The following WDR27 variants were observed in gnomAD, a reference collection of about 807,000 sequenced individuals.
The protein encoded by WDR27 is WD repeat-containing protein 27.
A neutral mutation model predicts 114.4 loss-of-function variants in WDR27; 100 were observed. The observed-to-expected ratio is 0.87, with a 90% CI of 0.74 to 1.03. The LOEUF (loss-of-function observed/expected upper bound fraction) is 1.03, where lower values mean the gene tolerates loss of function less well. Ranked by LOEUF, WDR27 falls within the 50% of genes least tolerant of loss-of-function variation. The pLI, the probability that WDR27 is intolerant of heterozygous loss-of-function variation, is 0.00. For missense variants in WDR27, 1,129 were observed against 1,092.9 expected, an observed-to-expected ratio of 1.03 and a Z score of -0.47; for synonymous variants, 449 against 423.1, an observed-to-expected ratio of 1.06 and a Z score of -0.75.
chr6:169,540,418 T>C (rs1796689414), intron 25 of WDR27, among the ~76,000 whole-genome samples: 1 of 146,564 alleles, frequency 6.8e-6, no homozygotes, highest in Admixed American at 7.3e-5. Flanking sequence ...GTATTGCTCT[T>C]ATTGAATAGA....
At chr6:169,469,443 C>T (rs1184024039) in intron 25 of WDR27, among the ~76,000 whole-genome samples, 1 of 152,204 alleles carries the variant, frequency 6.6e-6, no homozygotes, top group Non-Finnish European at 1.5e-5. Context: ...AAAACCCTCT[C>T]AGCTTCATGC....
chr6:169,583,001 G>A (rs1385555545), intron 23 of WDR27, 67 bp from the exon 24 acceptor site: 1 of 1,374,014 alleles, frequency 7.3e-7, no homozygotes, highest in African/African-American at 1.4e-5. Flanking sequence ...AAGCTAGGCA[G>A]AGCAGAGGGA....
chr6:169,663,123 G>T (rs1436650804), intron 8 of WDR27, among the ~76,000 whole-genome samples: 1 of 152,202 alleles, frequency 6.6e-6, no homozygotes. Flanking sequence ...ACGCTACCTG[G>T]GAGCAATGCA....
intron 25 of WDR27, among the ~76,000 whole-genome samples, chr6:169,519,985 C>A (rs1209498110): frequency 6.6e-6 from 1 of 152,096 alleles, no homozygotes; most frequent in Non-Finnish European, 1.5e-5. Flanking sequence ...CCATCTTGAA[C>A]TACTTGACAG....
intron 25 of WDR27, among the ~76,000 whole-genome samples, chr6:169,540,156 C>T (rs1444465920): frequency 4.6e-5 from 7 of 152,192 alleles, no homozygotes; most frequent in Non-Finnish European, 1.0e-4. Context: ...CAAGAACATA[C>T]TAGGATTGCT....
chr6:169,429,621 T>C, the WDR27 span, among the ~76,000 whole-genome samples: 4 of 152,200 alleles, frequency 2.6e-5, no homozygotes, highest in Admixed American at 1.3e-4. Context: ...CCTGGCCTCC[T>C]TTCTTTCTTA....
intron 25 of WDR27, among the ~76,000 whole-genome samples, chr6:169,565,502 C>T (rs933413267): frequency 2.0e-5 from 3 of 152,158 alleles, no homozygotes; most frequent in Non-Finnish European, 4.4e-5. Context: ...TGTATTTCCC[C>T]GCTTGTCTTA....
chr6:169,592,059 T>A (rs1167895878), intron 23 of WDR27, among the ~76,000 whole-genome samples: 1 of 152,060 alleles, frequency 6.6e-6, no homozygotes, highest in Non-Finnish European at 1.5e-5. Context: ...AATACTGGTA[T>A]TCGTGCACCA....
chr6:169,439,938 A>G, the WDR27 span, among the ~76,000 whole-genome samples: 1 of 146,470 alleles, frequency 6.8e-6, no homozygotes, highest in Non-Finnish European at 1.5e-5. Context: ...TATTGGTAAT[A>G]TAATTATTTA....
chr6:169,514,746 G>GA (rs1174779837), intron 25 of WDR27, among the ~76,000 whole-genome samples: 1 of 118,744 alleles, frequency 8.4e-6, no homozygotes, highest in African/African-American at 4.3e-5. Flanking sequence ...TACTATAACA[G>GA]AAAAAAAGAG....
chr6:169,656,870 T>G (rs1325810314), intron 13 of WDR27, among the ~76,000 whole-genome samples: 1 of 148,898 alleles, frequency 6.7e-6, no homozygotes, highest in Non-Finnish European at 1.5e-5. Context: ...AGAAGTTCCA[T>G]GACTTAATGA....
intron 14 of WDR27, among the ~76,000 whole-genome samples, chr6:169,651,486 T>C (rs1306659004): frequency 1.3e-5 from 2 of 152,122 alleles, no homozygotes; most frequent in African/African-American, 2.4e-5. Context: ...TCCTTGCCTT[T>C]GAGCAGTCTT....
intron 17 of WDR27, among the ~76,000 whole-genome samples, chr6:169,640,861 G>A (rs541437057): frequency 1.6e-4 from 25 of 152,248 alleles, no homozygotes; most frequent in Non-Finnish European, 3.5e-4. Context: ...AGGAGGGAGG[G>A]TGAAGTCACT....
chr6:169,506,004 T>A lies in WDR27; in HGVS notation c.2646-48370A>T, dbSNP rs928369925. On this transcript the variant is annotated intron_variant, in intron 25 of 25. Coordinates refer to ENST00000448612, the MANE Select transcript of WDR27 (RefSeq NM_182552.5). Reference sequence around the variant, plus strand: ...CATATACCACCTAAACCCCCTAAACTTTTAAACTCATAAACAAAGCTCCCA... The same window carrying A: ...CATATACCACCTAAACCCCCTAAACATTTAAACTCATAAACAAAGCTCCCA... 7.2e-5 allele frequency among the ~76,000 whole-genome samples: 11 copies of A among 152,334 alleles called. 1 individual carries two copies. The South Asian group carries it at 2.3e-3, about 32-fold the overall frequency.
At chr6:169,625,822 A>G (rs2473450) in intron 21 of WDR27, among the ~76,000 whole-genome samples, 150,417 of 152,266 alleles carry the variant, frequency 0.99, 74,301 homozygotes, top group East Asian at 1. Context: ...TGACTCTGAG[A>G]CCAGAGCCCG....
chr6:169,531,518 T>G lies in WDR27; in HGVS notation c.2645+40901A>C, dbSNP rs761380209. Among the ~76,000 whole-genome samples, 109 of 152,272 alleles carry G rather than the reference T, an allele frequency of 7.2e-4. 2 individuals are homozygous for G. The highest frequency in any genetic ancestry group is 4.9e-4 in the Non-Finnish European group (33 of 68,002). On this transcript the variant is annotated intron_variant, in intron 25 of 25. Coordinates refer to ENST00000448612, the MANE Select transcript of WDR27 (RefSeq NM_182552.5). The stretch of plus-strand genomic sequence containing the variant: ...CAGCAGACTCCTGCAGAATAGAGCT[T>G]GTTTCCCAGAAGCACCCCAGCATCC...
chr6:169,649,215 G>A lies in WDR27; in HGVS notation c.1542C>T (p.Ser514=). ...IKSEGKGSSR[S]RSSCAREAYP... ...TCACACACCGTGCGCAGCTGCTCCT[G>A]CTCCTTGAAGATCCTTTCCCCTCAC... The change falls in exon 15 of 26, where the codon AGC becomes AGT. Residue 514 remains serine, a synonymous_variant. Coordinates refer to ENST00000448612, the MANE Select transcript of WDR27 (RefSeq NM_182552.5). 3 of 1,575,570 alleles carry A rather than the reference G, an allele frequency of 1.9e-6. No homozygotes were observed. The highest frequency in any genetic ancestry group is 2.6e-6 in the Non-Finnish European group (3 of 1,159,766).
At chr6:169,637,818 TGTAA>T (rs1300035431) in intron 18 of WDR27, among the ~76,000 whole-genome samples, 1 of 152,040 alleles carries the variant, frequency 6.6e-6, no homozygotes, top group African/African-American at 2.4e-5. Context: ...GTGGCAAGTA[TGTAA>T]GTGTGCGTAT....
intron 25 of WDR27, among the ~76,000 whole-genome samples, chr6:169,470,737 A>G (rs754447176): frequency 6.6e-6 from 1 of 152,132 alleles, no homozygotes; most frequent in African/African-American, 2.4e-5. Context: ...TTTAACCTTA[A>G]TCACCTCCTA....
Sources: allele counts gnomAD v4.1 joint callset (sites outside exome capture counted in the v4.1 genomes callset), GRCh38; gene constraint gnomAD v4.1.1; transcripts MANE v1.5; gene names NCBI Gene and HGNC (gene_info 2026-07-23, HGNC 2026-07-21).